The following CEP112 variants were observed in gnomAD, a reference collection of about 807,000 sequenced individuals.
The protein encoded by CEP112 is centrosomal protein of 112 kDa.
Under a neutral mutation model 153.0 loss-of-function variants are expected in CEP112, and 127 were observed. The ratio of observed to expected loss-of-function variants is 0.83; its 90% CI spans 0.72 to 0.96. The LOEUF is 0.96. CEP112 is among the 40% of genes least tolerant of loss of function. CEP112 has a pLI of 0.00. For missense variants in CEP112, 1,089 were observed against 1,101.2 expected, an observed-to-expected ratio of 0.99 and a Z score of 0.16; for synonymous variants, 358 against 374.4, an observed-to-expected ratio of 0.96 and a Z score of 0.51.
intron 1 of CEP112, among the ~76,000 whole-genome samples, chr17:66,183,614 T>G (rs1299272473): frequency 6.6e-6 from 1 of 152,122 alleles, no homozygotes; most frequent in East Asian, 1.9e-4. Flanking sequence ...AGACAATTGG[T>G]ATTGGTGAAA....
intron 23 of CEP112, among the ~76,000 whole-genome samples, chr17:65,732,066 C>A (rs758795621): frequency 3.3e-5 from 5 of 152,154 alleles, no homozygotes; most frequent in African/African-American, 4.8e-5. Flanking sequence ...TTTACTTTGC[C>A]CAGTTCCATC....
At chr17:66,003,576 G>A (rs1250184517) in intron 17 of CEP112, among the ~76,000 whole-genome samples, 2 of 152,246 alleles carry the variant, frequency 1.3e-5, no homozygotes, top group Admixed American at 6.5e-5. Context: ...CCTTTAGTAT[G>A]ATATTACAAT....
intron 23 of CEP112, among the ~76,000 whole-genome samples, chr17:65,690,115 A>G (rs1008837035): frequency 7.7e-5 from 3 of 39,000 alleles, no homozygotes; most frequent in Non-Finnish European, 9.4e-5. Flanking sequence ...AAACAGACCA[A>G]AAAAAAAAAA....
rs144774273 is a variant in CEP112, at chr17:66,121,137, G to A, written c.642+8609C>T. On this transcript the variant is annotated intron_variant, in intron 6 of 26. Transcript: ENST00000535342. The stretch of plus-strand genomic sequence containing the variant: ...CTACTAAAAATACAAAAAGTTAGGC[G>A]TGGTGGCACATGCCTGTAATCCCAG... 6.1e-3 allele frequency among the ~76,000 whole-genome samples: 926 copies of A among 152,256 alleles called. 5 individuals are homozygous for A. The highest frequency in any genetic ancestry group is 0.01 in the Middle Eastern group (3 of 294).
At chr17:66,062,256 T>C (rs1314107939) in intron 11 of CEP112, among the ~76,000 whole-genome samples, 4 of 152,060 alleles carry the variant, frequency 2.6e-5, no homozygotes, top group Non-Finnish European at 4.4e-5. Flanking sequence ...AAATAAATTA[T>C]GGTTTATTTA....
At position 66,149,869 on chromosome 17, in the gene CEP112, TTTTTTTTTTTGTTTG is replaced by T. The variant is rs1568549112; in HGVS notation, c.471-17121_471-17107del. On this transcript the variant is annotated intron_variant, in intron 4 of 26. Coordinates refer to ENST00000535342, the MANE Select transcript of CEP112 (RefSeq NM_001199165.4). Reference sequence around the variant, plus strand: ...AGTTCCTTAAGGTGTAAATTTAGGGTTTTTTTTTTTGTTTGTTTGTTTTTTTTTTTTTTTTTTTTT... The same window carrying T: ...AGTTCCTTAAGGTGTAAATTTAGGGTTTTGTTTTTTTTTTTTTTTTTTTTT... Among the ~76,000 whole-genome samples the T allele has an allele frequency of 3.9e-3, 340 of 86,548 alleles. 21 individuals are homozygous for T. The highest frequency in any genetic ancestry group is 0.01 in the South Asian group (19 of 1,884). 56.8% of individuals were successfully genotyped at this position (86,548 alleles called of 152,430 possible). A position where few individuals can be genotyped will look rare whatever the true frequency, so the allele number is the denominator to read the frequency against.
At chr17:65,832,072 A>G (rs2057104189) in intron 21 of CEP112, among the ~76,000 whole-genome samples, 2 of 152,210 alleles carry the variant, frequency 1.3e-5, no homozygotes, top group Admixed American at 1.3e-4. Context: ...GAAATTAAAC[A>G]ACATGCTCCT....
chr17:65,689,226 G>T lies in CEP112; in HGVS notation c.2608-8C>A. 2 of 1,593,350 alleles carry T rather than the reference G, an allele frequency of 1.3e-6. No homozygotes were observed. The highest frequency in any genetic ancestry group is 1.7e-6 in the Non-Finnish European group (2 of 1,161,768). On this transcript the variant is annotated splice_polypyrimidine_tract_variant and splice_region_variant and intron_variant, in intron 23 of 26. Coordinates refer to ENST00000535342, the MANE Select transcript of CEP112 (RefSeq NM_001199165.4). The stretch of plus-strand genomic sequence containing the variant: ...TAATTCATCTTGTAAAACCTGAAAC[G>T]GTATAAAATAAAGATATCATTAATA...
chr17:65,788,895 T>G (rs1198190091), intron 21 of CEP112, among the ~76,000 whole-genome samples: 1 of 152,232 alleles, frequency 6.6e-6, no homozygotes, highest in African/African-American at 2.4e-5. Context: ...TATTTCCTCC[T>G]GGTTCTCCAG....
chr17:65,687,886 T>TA (rs1021231942), intron 24 of CEP112, among the ~76,000 whole-genome samples: 2 of 152,216 alleles, frequency 1.3e-5, no homozygotes, highest in African/African-American at 4.8e-5. Flanking sequence ...AACCAATGTA[T>TA]AAACATCTGT....
At chr17:65,993,548 T>A (rs1012238892) in intron 17 of CEP112, among the ~76,000 whole-genome samples, 1 of 152,174 alleles carries the variant, frequency 6.6e-6, no homozygotes, top group African/African-American at 2.4e-5. Flanking sequence ...ATAAGAATGT[T>A]CATTGCAGCA....
chr17:65,948,924 T>C (rs2061730703), intron 18 of CEP112, among the ~76,000 whole-genome samples: 1 of 152,184 alleles, frequency 6.6e-6, no homozygotes, highest in Non-Finnish European at 1.5e-5. Flanking sequence ...TGGAAAAAGA[T>C]GCCCTACAGC....
At chr17:65,838,764 G>GA (rs924087180) in intron 21 of CEP112, among the ~76,000 whole-genome samples, 18 of 150,990 alleles carry the variant, frequency 1.2e-4, no homozygotes, top group East Asian at 3.9e-4. Flanking sequence ...GACTAAATAA[G>GA]AAAAAAAAGA....
intron 23 of CEP112, among the ~76,000 whole-genome samples, chr17:65,692,034 C>T (rs1190438676): frequency 1.3e-5 from 2 of 152,248 alleles, no homozygotes; most frequent in East Asian, 1.9e-4. Context: ...CTTGGCATGC[C>T]GTGCAGATGT....
rs1364271720 is a variant in CEP112, at chr17:66,131,744, C to T, written c.564+926G>A. Among the ~76,000 whole-genome samples, 6 of 151,808 alleles carry T rather than the reference C, an allele frequency of 4.0e-5. No individual in the cohort carries two copies. The East Asian group carries it at 1.2e-3, about 30-fold the overall frequency. The stretch of plus-strand genomic sequence containing the variant: ...CCTGGGCGACAGAGCAAGACTCCAT[C>T]ACAAAAAAACAAAAACAAAAACAGT... On this transcript the variant is annotated intron_variant, in intron 5 of 26. Transcript: ENST00000535342.
chr17:66,040,347 T>C (rs1028697860), intron 12 of CEP112, among the ~76,000 whole-genome samples: 12 of 152,302 alleles, frequency 7.9e-5, no homozygotes, highest in Non-Finnish European at 1.6e-4. Flanking sequence ...TAGCTTCTTT[T>C]GTGGGCTGCC....
chr17:66,064,690 C>CA (rs2067049720), intron 10 of CEP112, among the ~76,000 whole-genome samples: 1 of 152,038 alleles, frequency 6.6e-6, no homozygotes, highest in South Asian at 2.1e-4. Flanking sequence ...TTTACACTTC[C>CA]AAAATTAAAC....
intron 19 of CEP112, among the ~76,000 whole-genome samples, chr17:65,914,609 C>T (rs1420800022): frequency 2.0e-5 from 3 of 152,082 alleles, no homozygotes; most frequent in African/African-American, 2.4e-5. Context: ...CTACCTAAGG[C>T]GAGTCCCTTC....
intron 21 of CEP112, among the ~76,000 whole-genome samples, chr17:65,781,871 A>G (rs777946391): frequency 5.9e-5 from 9 of 152,230 alleles, no homozygotes; most frequent in Non-Finnish European, 1.0e-4. Flanking sequence ...TAGATTAAAG[A>G]CTTAAATGTA....
Sources: gnomAD v4.1 joint callset for allele counts (sites outside exome capture counted in the v4.1 genomes callset) on GRCh38, gnomAD v4.1.1 for gene constraint, MANE v1.5 for transcripts, NCBI Gene and HGNC (gene_info 2026-07-23, HGNC 2026-07-21) for gene names.